CDK8: variants seen among roughly 807,000 people sequenced by gnomAD.
The protein encoded by CDK8 is cyclin dependent kinase 8.
Under a neutral mutation model 71.5 loss-of-function variants are expected in CDK8, and 29 were observed. That is an observed-to-expected ratio of 0.41 (90% CI 0.30 to 0.55). The LOEUF (loss-of-function observed/expected upper bound fraction) is 0.55, where lower values mean the gene tolerates loss of function less well. CDK8 is among the 20% of genes least tolerant of loss of function. The pLI, the probability that CDK8 is intolerant of heterozygous loss-of-function variation, is 0.37. For missense variants in CDK8, 288 were observed against 572.6 expected, an observed-to-expected ratio of 0.50 and a Z score of 5.07; for synonymous variants, 161 against 192.1, an observed-to-expected ratio of 0.84 and a Z score of 1.34.
intron 1 of CDK8, among the ~76,000 whole-genome samples, chr13:26,288,264 G>A (rs1035377851): frequency 1.3e-5 from 2 of 152,100 alleles, no homozygotes; most frequent in African/African-American, 2.4e-5. Flanking sequence ...GCCCGGCCTA[G>A]TGCAACTTAA....
rs775293026 is a variant in CDK8, at chr13:26,254,600, C to T, written c.-42C>T. The stretch of plus-strand genomic sequence containing the variant: ...CTTCCCCGGTCCCCACCCCTGCCCC[C>T]CGGCCCCCCGACCCAGCTCTCCGGC... On this transcript the variant is annotated 5_prime_UTR_variant, in exon 1 of 13. Transcript: ENST00000381527. The surrounding 1 kb of genome is among the most constrained non-coding windows in gnomAD (Gnocchi z 6.7). 26 of 1,505,226 alleles carry T rather than the reference C, an allele frequency of 1.7e-5. No homozygotes were observed. Among genetic ancestry groups the T allele is most frequent in the Non-Finnish European group, 2.0e-5 (22 of 1,111,788 alleles). 93.2% of individuals were successfully genotyped at this position (1,505,226 alleles called of 1,614,324 possible).
At chr13:26,394,839 T>C (rs1317848587) in intron 7 of CDK8, among the ~76,000 whole-genome samples, 3 of 152,058 alleles carry the variant, frequency 2.0e-5, no homozygotes, top group Non-Finnish European at 4.4e-5. Context: ...TTAGAAAGAT[T>C]TAGTAAGATG....
chr13:26,340,806 C>T (rs1027134541), intron 2 of CDK8, among the ~76,000 whole-genome samples: 1 of 152,106 alleles, frequency 6.6e-6, no homozygotes, highest in East Asian at 1.9e-4. Context: ...TGCGTTTCTT[C>T]CCCAGTTTGT....
intron 1 of CDK8, among the ~76,000 whole-genome samples, chr13:26,259,459 A>C (rs1012725073): frequency 6.6e-6 from 1 of 152,100 alleles, no homozygotes; most frequent in Admixed American, 6.5e-5. Context: ...GTGTGGGAGG[A>C]TATGCGTAGG....
intron 2 of CDK8, among the ~76,000 whole-genome samples, chr13:26,341,409 GC>G (rs1163333147): frequency 3.9e-5 from 6 of 152,178 alleles, no homozygotes; most frequent in Non-Finnish European, 8.8e-5. Context: ...ACAGGCATGA[GC>G]CATCGTGCCC....
At chr13:26,273,441 A>C (rs1443400376) in intron 1 of CDK8, among the ~76,000 whole-genome samples, 1 of 152,136 alleles carries the variant, frequency 6.6e-6, no homozygotes, top group Non-Finnish European at 1.5e-5. Context: ...ATGTATGTCT[A>C]GTTCCAGGTA....
chr13:26,254,647 C>T lies in CDK8; in HGVS notation c.6C>T (p.Asp2=). Residue 2 remains aspartate, a synonymous_variant, in exon 1 of 13, where the codon GAC becomes GAT. Coordinates refer to ENST00000381527, the MANE Select transcript of CDK8 (RefSeq NM_001260.3). The surrounding 1 kb of genome is among the most constrained non-coding windows in gnomAD (Gnocchi z 6.7). The part of the protein sequence containing the change: M[D]YDFKVKLSSE... The stretch of plus-strand genomic sequence containing the variant: ...CGGCCTCAGAGGCTGTGACAATGGA[C>T]TATGACTTTAAAGTGAAGCTGAGCA... 1 of 1,608,892 alleles carries T rather than the reference C, an allele frequency of 6.2e-7. No homozygotes were observed. Among genetic ancestry groups the T allele is most frequent in the Non-Finnish European group, 8.5e-7 (1 of 1,177,770 alleles).
intron 6 of CDK8, among the ~76,000 whole-genome samples, chr13:26,388,172 G>T (rs1170045211): frequency 6.6e-6 from 1 of 152,094 alleles, no homozygotes; most frequent in Non-Finnish European, 1.5e-5. Context: ...AAATCTTTAT[G>T]TTCTAATCTT....
Position 26,379,235 on chromosome 13 carries a change from G to A in CDK8, c.457-3579G>A, listed in dbSNP as rs1875099819. On this transcript the variant is annotated intron_variant, in intron 4 of 12. Transcript: ENST00000381527. ...TTTCTGGCTGTAGCATGCCCAAACG[G>A]AATCTGAATTCACTAAAGAGAGAGT... Among the ~76,000 whole-genome samples, 3 of 152,310 alleles carry A rather than the reference G, an allele frequency of 2.0e-5. No individual in the cohort carries two copies. In the South Asian group the frequency reaches 6.2e-4, roughly 32 times the overall value.
intron 1 of CDK8, among the ~76,000 whole-genome samples, chr13:26,307,806 T>G (rs1406881359): frequency 6.6e-6 from 1 of 152,194 alleles, no homozygotes; most frequent in African/African-American, 2.4e-5. Flanking sequence ...TTAAACTTCA[T>G]AAGAACGGTA....
chr13:26,370,598 G>A (rs1417390547), intron 4 of CDK8, among the ~76,000 whole-genome samples: 1 of 152,196 alleles, frequency 6.6e-6, no homozygotes, highest in African/African-American at 2.4e-5. Context: ...ACTTAACAGT[G>A]TTCTGAAAGA....
intron 1 of CDK8, among the ~76,000 whole-genome samples, chr13:26,297,703 G>T (rs904440504): frequency 6.6e-6 from 1 of 152,146 alleles, no homozygotes; most frequent in African/African-American, 2.4e-5. Flanking sequence ...TCATACAGGG[G>T]TCATTTAGGA....
intron 1 of CDK8, among the ~76,000 whole-genome samples, chr13:26,292,819 C>T (rs918083903): frequency 6.6e-6 from 1 of 152,096 alleles, no homozygotes; most frequent in African/African-American, 2.4e-5. Flanking sequence ...GTTGAAAACT[C>T]CAGTGTGATT....
At chr13:26,302,819 G>A (rs1375394592) in intron 1 of CDK8, among the ~76,000 whole-genome samples, 5 of 152,130 alleles carry the variant, frequency 3.3e-5, no homozygotes, top group African/African-American at 1.2e-4. Flanking sequence ...TGTTTTATGG[G>A]TACTTTAAAT....
chr13:26,329,013 T>A (rs1402320267), intron 1 of CDK8, among the ~76,000 whole-genome samples: 3 of 152,248 alleles, frequency 2.0e-5, no homozygotes, highest in Admixed American at 6.5e-5. Flanking sequence ...TTCTTCACTG[T>A]CAACTTCTGA....
At chr13:26,311,994 AT>A (rs1874303243) in intron 1 of CDK8, among the ~76,000 whole-genome samples, 1 of 152,208 alleles carries the variant, frequency 6.6e-6, no homozygotes, top group Non-Finnish European at 1.5e-5. Context: ...GTAACAGCAA[AT>A]ACTTGTCACT....
At chr13:26,375,363 G>T (rs534286184) in intron 4 of CDK8, among the ~76,000 whole-genome samples, 5 of 152,196 alleles carry the variant, frequency 3.3e-5, no homozygotes, top group African/African-American at 1.2e-4. Context: ...TGGAGTTGAT[G>T]AAGAGGAGGA....
At chr13:26,396,263 A>G (rs199500661) in intron 7 of CDK8, 22 bp from the exon 8 acceptor site, 4 of 1,078,150 alleles carry the variant, frequency 3.7e-6, no homozygotes, top group Non-Finnish European at 5.3e-6. Flanking sequence ...GCAACATAAA[A>G]ATTTATCAAT....
intron 1 of CDK8, among the ~76,000 whole-genome samples, chr13:26,297,753 T>C (rs1334344227): frequency 3.3e-5 from 5 of 152,322 alleles, no homozygotes; most frequent in African/African-American, 9.6e-5. Context: ...TTGGTAGTAA[T>C]ACTGGATATA....
Sources: allele counts gnomAD v4.1 joint callset (sites outside exome capture counted in the v4.1 genomes callset), GRCh38; gene constraint gnomAD v4.1.1; non-coding constraint Gnocchi (gnomAD v3.1); transcripts MANE v1.5; gene names NCBI Gene and HGNC (gene_info 2026-07-23, HGNC 2026-07-21).